The following FXYD2 variants were observed in gnomAD, a reference collection of about 807,000 sequenced individuals.
FXYD2 encodes sodium/potassium-transporting ATPase subunit gamma.
In FXYD2, 8 loss-of-function variants were observed where a neutral mutation model predicts 11.8. The ratio of observed to expected loss-of-function variants is 0.68; its 90% CI spans 0.40 to 1.22. The LOEUF is 1.22. Among genes scored for constraint, FXYD2 ranks in the 50% most tolerant of loss-of-function variants. The pLI, the probability that FXYD2 is intolerant of heterozygous loss-of-function variation, is 0.01. For missense variants in FXYD2, 92 were observed against 91.8 expected (o/e 1.00, Z -0.01); for synonymous variants, 42 against 33.3 (o/e 1.26, Z -0.90).
Position 117,822,992 on chromosome 11 carries a change from C to T in FXYD2, c.26-275G>A, listed in dbSNP as rs1303219567. Reference sequence around the variant, plus strand: ...GACCACTCCGGAAGGGTGGCTCTCTCCTGCTCCTTGATTCCTACCATGGTA... The same window carrying T: ...GACCACTCCGGAAGGGTGGCTCTCTTCTGCTCCTTGATTCCTACCATGGTA... On this transcript the variant is annotated intron_variant, in intron 1 of 5. Coordinates refer to ENST00000292079, the MANE Select transcript of FXYD2 (RefSeq NM_001680.5). This position sits in a 1 kb window ranked among gnomAD's most constrained non-coding sequence, Gnocchi z 4.7. Among the ~76,000 whole-genome samples, 1 of 152,176 alleles carries T rather than the reference C, an allele frequency of 6.6e-6. No homozygotes were observed. Among genetic ancestry groups the T allele is most frequent in the Non-Finnish European group, 1.5e-5 (1 of 68,028 alleles).
At position 117,822,352 on chromosome 11, in the gene FXYD2, T is replaced by C. The variant is rs778291921; in HGVS notation, c.139+54A>G. ...CGAAAGCCAGCCTGCTCAGCGGCCT[T>C]GAGAAGAGAGGTGCCCTGGTCAGCA... On this transcript the variant is annotated intron_variant, in intron 3 of 5. Coordinates refer to ENST00000292079, the MANE Select transcript of FXYD2 (RefSeq NM_001680.5). This position sits in a 1 kb window ranked among gnomAD's most constrained non-coding sequence, Gnocchi z 4.7. The C allele has an allele frequency of 6.5e-7, 1 of 1,550,330 alleles. No individual in the cohort carries two copies. The highest frequency in any genetic ancestry group is 8.7e-7 in the Non-Finnish European group (1 of 1,146,950).
intron 3 of FXYD2, chr11:117,821,156 A>G (rs1374506093): frequency 7.6e-6 from 3 of 393,150 alleles, no homozygotes; most frequent in Non-Finnish European, 8.1e-6. Flanking sequence ...TCCTGGGCTC[A>G]AGTAATCCTC....
upstream of FXYD2, among the ~76,000 whole-genome samples, chr11:117,826,776 C>CTA (rs1173186633): frequency 3.9e-5 from 4 of 103,046 alleles, no homozygotes; most frequent in African/African-American, 1.3e-4. Context: ...GTCTGTCTGT[C>CTA]TGTCTATCTA....
chr11:117,826,724 G>A (rs1271110190), upstream of FXYD2, among the ~76,000 whole-genome samples: 4 of 152,134 alleles, frequency 2.6e-5, no homozygotes, highest in Admixed American at 2.6e-4. Flanking sequence ...AATAAGAGAT[G>A]TAAAAATAAG....
rs2014536 is a variant in FXYD2, at chr11:117,820,430, C to T, written c.*7-58G>A. 362,858 of 571,224 alleles carry T rather than the reference C, an allele frequency of 0.64. 118,923 individuals carry two copies. The highest frequency in any genetic ancestry group is 0.73 in the Admixed American group (23,357 of 32,208). The allele number at this position is 571,224 out of a possible 1,614,324, so 35.4% of individuals were successfully genotyped here. ...GGAGGCAGCAGAGGTTGGGGTTTTACTTCCCCCTTGTCCATCTCACTTTTC... is the reference window on the plus strand; with the variant it reads ...GGAGGCAGCAGAGGTTGGGGTTTTATTTCCCCCTTGTCCATCTCACTTTTC... On this transcript the variant is annotated intron_variant, in intron 5 of 5. Transcript: ENST00000292079.
At position 117,821,004 on chromosome 11, in the gene FXYD2, G is replaced by A. The variant is rs61903773; in HGVS notation, c.140-109C>T. The A allele has an allele frequency of 6.7e-6, 10 of 1,500,494 alleles. No homozygotes were observed. The South Asian group carries it at 7.9e-5, about 12-fold the overall frequency. 92.9% of individuals were successfully genotyped at this position (1,500,494 alleles called of 1,614,324 possible). On this transcript the variant is annotated intron_variant, in intron 3 of 5. Coordinates refer to ENST00000292079, the MANE Select transcript of FXYD2 (RefSeq NM_001680.5). ...CTACCTCCCTCCTGCCAGTATCATC[G>A]CAGGGTCAGGCTTGGAGGCCACGTT...
chr11:117,822,345 G>T lies in FXYD2; in HGVS notation c.139+61C>A. On this transcript the variant is annotated intron_variant, in intron 3 of 5. Transcript: ENST00000292079. The surrounding 1 kb of genome is among the most constrained non-coding windows in gnomAD (Gnocchi z 4.7). ...CAACTCCCGAAAGCCAGCCTGCTCA[G>T]CGGCCTTGAGAAGAGAGGTGCCCTG... 6.5e-7 allele frequency: 1 copy of T among 1,550,086 alleles called. No individual in the cohort carries two copies. The highest frequency in any genetic ancestry group is 8.7e-7 in the Non-Finnish European group (1 of 1,146,926).
Position 117,822,024 on chromosome 11 carries a change from T to C in FXYD2, c.139+382A>G, listed in dbSNP as rs980504294. ...TCTCAGAGCGCTGTCCTGACTGCCA[T>C]GTCTTTGGATGCTAGCCCTAATCTT... On this transcript the variant is annotated intron_variant, in intron 3 of 5. Coordinates refer to ENST00000292079, the MANE Select transcript of FXYD2 (RefSeq NM_001680.5). The surrounding 1 kb of genome is among the most constrained non-coding windows in gnomAD (Gnocchi z 4.7). 1.8e-5 allele frequency: 22 copies of C among 1,194,888 alleles called. No individual in the cohort carries two copies. The highest frequency in any genetic ancestry group is 2.0e-5 in the Non-Finnish European group (19 of 949,616). The allele number at this position is 1,194,888 out of a possible 1,614,324, so 74.0% of individuals were successfully genotyped here.
chr11:117,826,878 G>T (rs954056479), upstream of FXYD2, among the ~76,000 whole-genome samples: 1 of 151,534 alleles, frequency 6.6e-6, no homozygotes, highest in East Asian at 1.9e-4. Flanking sequence ...CACCCAAATG[G>T]ACTGTCTCCA....
chr11:117,827,127 G>C (rs192981788), upstream of FXYD2, among the ~76,000 whole-genome samples: 4 of 141,208 alleles, frequency 2.8e-5, no homozygotes, highest in African/African-American at 8.0e-5. Context: ...TAGATAGATA[G>C]ATAGATAGAT....
chr11:117,824,849 G>A, upstream of FXYD2: 3 of 833,524 alleles, frequency 3.6e-6, no homozygotes, highest in Non-Finnish European at 5.9e-6. This position sits in a 1 kb window ranked among gnomAD's most constrained non-coding sequence, Gnocchi z 4.0. Flanking sequence ...GTGGATGGAG[G>A]GGCTCCTTCT....
intron 3 of FXYD2, chr11:117,821,335 A>G (rs2055897832): frequency 2.0e-6 from 2 of 987,466 alleles, no homozygotes; most frequent in South Asian, 9.3e-5. Flanking sequence ...TGCCGGCATT[A>G]CAGGCATGAG....
upstream of FXYD2, among the ~76,000 whole-genome samples, chr11:117,825,610 G>A (rs2056020600): frequency 6.6e-6 from 1 of 152,172 alleles, no homozygotes; most frequent in Non-Finnish European, 1.5e-5. Flanking sequence ...CTTGCCCAGG[G>A]TCACACAGCC....
upstream of FXYD2, chr11:117,824,893 A>C: frequency 1.5e-6 from 1 of 669,988 alleles, no homozygotes; most frequent in Non-Finnish European, 2.7e-6. The surrounding 1 kb of genome is among the most constrained non-coding windows in gnomAD (Gnocchi z 4.0). Flanking sequence ...AGGCAGGGGC[A>C]GGGAGGAGCT....
At position 117,822,484 on chromosome 11, in the gene FXYD2, C is replaced by T. The variant is rs866875683; in HGVS notation, c.65-4G>A. 6.4e-5 allele frequency: 100 copies of T among 1,559,828 alleles called. No homozygotes were observed. The highest frequency in any genetic ancestry group is 8.1e-5 in the Non-Finnish European group (93 of 1,151,212). On this transcript the variant is annotated splice_region_variant and splice_polypyrimidine_tract_variant and intron_variant, in intron 2 of 5. Transcript: ENST00000292079. The surrounding 1 kb of genome is among the most constrained non-coding windows in gnomAD (Gnocchi z 4.7). ...CCATTGCGAACGGTCTCATAGTCTC[C>T]GGAAAGAGAGGGCAAGAGGAGCGGG...
intron 3 of FXYD2, chr11:117,821,755 C>T (rs2055910542): frequency 1.0e-6 from 1 of 988,662 alleles, no homozygotes; most frequent in East Asian, 1.1e-4. Context: ...GGGAGACCCG[C>T]AGGACTGTGG....
At chr11:117,826,735 T>A (rs1211926368), upstream of FXYD2, among the ~76,000 whole-genome samples, 1 of 152,138 alleles carries the variant, frequency 6.6e-6, no homozygotes, top group Non-Finnish European at 1.5e-5. Context: ...TAAAAATAAG[T>A]GGGAAGTTAA....
At position 117,823,840 on chromosome 11, in the gene FXYD2, G is replaced by A. The variant is rs576152021; in HGVS notation, c.25+814C>T. Among the ~76,000 whole-genome samples, 145 of 152,196 alleles carry A rather than the reference G, an allele frequency of 9.5e-4. 1 individual carries two copies. The highest frequency in any genetic ancestry group is 1.9e-3 in the Non-Finnish European group (131 of 68,028). On this transcript the variant is annotated intron_variant, in intron 1 of 5. Transcript: ENST00000292079. ...TCTGTCAAGCCCAGCTGTCCCCAGCGGCCAGTCCCTGGGCCAGGAAAGGAC... is the reference window on the plus strand; with the variant it reads ...TCTGTCAAGCCCAGCTGTCCCCAGCAGCCAGTCCCTGGGCCAGGAAAGGAC...
At chr11:117,821,707 C>T (rs1434824307) in intron 3 of FXYD2, 29 of 960,458 alleles carry the variant, frequency 3.0e-5, no homozygotes, top group African/African-American at 3.5e-5. Flanking sequence ...GGCAGTGGCA[C>T]ACGTAGAGAG....
Sources: gnomAD v4.1 joint callset for allele counts (sites outside exome capture counted in the v4.1 genomes callset) on GRCh38, gnomAD v4.1.1 for gene constraint, Gnocchi (gnomAD v3.1) non-coding constraint, MANE v1.5 for transcripts, NCBI Gene and HGNC (gene_info 2026-07-23, HGNC 2026-07-21) for gene names.